Variants in SMU1 observed in about 807,000 individuals in gnomAD.
The protein encoded by SMU1 is SMU1 DNA replication regulator and spliceosomal factor, also known as WD40 repeat-containing protein SMU1.
SMU1 carries 2 observed loss-of-function variants against 62.0 expected under a neutral mutation model. That is an observed-to-expected ratio of 0.03 (90% CI 0.01 to 0.10). The LOEUF is 0.10. SMU1 is among the 10% of genes least tolerant of loss of function. SMU1 has a pLI of 1.00. For synonymous variants in SMU1, 188 were observed against 212.4 expected (o/e 0.89, Z 1.00); for missense variants, 227 against 622.1 (o/e 0.36, Z 6.76).
intron 5 of SMU1, among the ~76,000 whole-genome samples, chr9:33,061,394 G>C (rs537631022): frequency 6.6e-6 from 1 of 151,982 alleles, no homozygotes; most frequent in Non-Finnish European, 1.5e-5. Context: ...ATCCAGAAAA[G>C]GCAAACCCAA....
intron 11 of SMU1, 140 bp downstream of exon 11, chr9:33,047,966 C>T: frequency 1.5e-6 from 1 of 656,726 alleles, no homozygotes; most frequent in Non-Finnish European, 2.4e-6. Flanking sequence ...TTGAATTTGA[C>T]ATGGAGCTAA....
chr9:33,063,792 C>T (rs145660736), intron 4 of SMU1, among the ~76,000 whole-genome samples: 3 of 151,798 alleles, frequency 2.0e-5, no homozygotes, highest in African/African-American at 7.3e-5. Flanking sequence ...CCCCCTGACA[C>T]CCCCACCACC....
chr9:33,048,352 T>A, intron 10 of SMU1, 94 bp from the exon 11 acceptor site: 1 of 1,512,010 alleles, frequency 6.6e-7, no homozygotes, highest in Non-Finnish European at 9.0e-7. Flanking sequence ...CGTTGTTATT[T>A]TGCACTTTGG....
At position 33,045,951 on chromosome 9, in the gene SMU1, G is replaced by T. The variant is rs1182252761; in HGVS notation, c.*1342C>A. 6.6e-6 allele frequency: 1 copy of T among 152,068 alleles called. No individual in the cohort carries two copies. Among genetic ancestry groups the T allele is most frequent in the African/African-American group, 2.4e-5 (1 of 41,386 alleles). 9.4% of individuals were successfully genotyped at this position (152,068 alleles called of 1,614,324 possible). A position where few individuals can be genotyped will look rare whatever the true frequency, so the allele number is the denominator to read the frequency against. On this transcript the variant is annotated 3_prime_UTR_variant, in exon 12 of 12. Coordinates refer to ENST00000397149, the MANE Select transcript of SMU1 (RefSeq NM_018225.3). Reference sequence around the variant, plus strand: ...CCTAATAAATGCTAACATTTAAAAGGGGGCACAAAAGGCCTGCAGAAATAA... The same window carrying T: ...CCTAATAAATGCTAACATTTAAAAGTGGGCACAAAAGGCCTGCAGAAATAA...
At position 33,051,114 on chromosome 9, in the gene SMU1, C is replaced by CT. The variant is rs1191621694; in HGVS notation, c.1290+2008dup. 6.2e-5 allele frequency among the ~76,000 whole-genome samples: 4 copies of CT among 64,846 alleles called. 1 individual carries two copies. The highest frequency in any genetic ancestry group is 2.1e-4 in the African/African-American group (4 of 18,678). The allele number at this position is 64,846 out of a possible 152,430, so 42.5% of individuals were successfully genotyped here. On this transcript the variant is annotated intron_variant, in intron 10 of 11. Coordinates refer to ENST00000397149, the MANE Select transcript of SMU1 (RefSeq NM_018225.3). ...CCAGCCTGGGCGACAGAGCGAGACT[C>CT]TGTCTCAAAAAAAAAAAAAAATAAA...
intron 6 of SMU1, among the ~76,000 whole-genome samples, chr9:33,058,466 A>C (rs1417246834): frequency 6.6e-6 from 1 of 152,118 alleles, no homozygotes; most frequent in East Asian, 1.9e-4. Flanking sequence ...ACAGGTCCGC[A>C]CCAAAACACC....
At chr9:33,075,951 C>A (rs1015427457) in intron 1 of SMU1, among the ~76,000 whole-genome samples, 3 of 152,174 alleles carry the variant, frequency 2.0e-5, no homozygotes, top group African/African-American at 7.2e-5. Flanking sequence ...CCCCAGACAA[C>A]CCAAAATTCC....
intron 10 of SMU1, among the ~76,000 whole-genome samples, chr9:33,052,206 A>G (rs1839258185): frequency 2.0e-5 from 3 of 151,906 alleles, no homozygotes; most frequent in Admixed American, 1.3e-4. Flanking sequence ...TACCAATGTC[A>G]ATTTCCTAGT....
Position 33,042,112 on chromosome 9 carries a change from A to G in SMU1, c.*5181T>C, listed in dbSNP as rs1839132835. 1 of 152,402 alleles carries G rather than the reference A, an allele frequency of 6.6e-6. No homozygotes were observed. Among genetic ancestry groups the G allele is most frequent in the Non-Finnish European group, 1.5e-5 (1 of 67,982 alleles). 9.4% of individuals were successfully genotyped at this position (152,402 alleles called of 1,614,324 possible). A position where few individuals can be genotyped will look rare whatever the true frequency, so the allele number is the denominator to read the frequency against. On this transcript the variant is annotated 3_prime_UTR_variant, in exon 12 of 12. Transcript: ENST00000397149. ...TAAAAATCCTAAGAACACTAAAAGA[A>G]AGTCATATTAGGTCGGTTGGTGCAA... is the stretch of plus-strand genomic sequence containing the variant.
intron 4 of SMU1, among the ~76,000 whole-genome samples, chr9:33,068,366 G>T (rs980305398): frequency 2.6e-5 from 4 of 152,160 alleles, no homozygotes; most frequent in African/African-American, 7.2e-5. Flanking sequence ...CCTCTCCCAG[G>T]AAAGAGGGAG....
intron 6 of SMU1, among the ~76,000 whole-genome samples, chr9:33,059,162 T>G (rs902679517): frequency 2.6e-5 from 4 of 152,190 alleles, no homozygotes; most frequent in Non-Finnish European, 5.9e-5. Context: ...TGCAATGTAA[T>G]ATAATACAGC....
chr9:33,060,837 G>A (rs1839354177), intron 5 of SMU1, among the ~76,000 whole-genome samples: 1 of 152,154 alleles, frequency 6.6e-6, no homozygotes, highest in Non-Finnish European at 1.5e-5. Context: ...CCAAAGGAAA[G>A]GACAAAAGCT....
At chr9:33,069,883 T>C (rs990521671) in intron 3 of SMU1, among the ~76,000 whole-genome samples, 1 of 152,148 alleles carries the variant, frequency 6.6e-6, no homozygotes. Flanking sequence ...CCTAGCACTT[T>C]GGGAGGCCGA....
intron 6 of SMU1, among the ~76,000 whole-genome samples, chr9:33,059,426 T>C (rs1211521592): frequency 6.6e-6 from 1 of 150,926 alleles, no homozygotes; most frequent in Non-Finnish European, 1.5e-5. Flanking sequence ...CAGTTGTACA[T>C]ATAACCCCTT....
intron 5 of SMU1, among the ~76,000 whole-genome samples, chr9:33,061,480 G>A (rs111275211): frequency 3.9e-5 from 6 of 152,182 alleles, no homozygotes; most frequent in African/African-American, 9.6e-5. Context: ...CAAATCCAGA[G>A]AAACTGTAAT....
In SMU1 at chr9:33,044,035, T is replaced by G; in HGVS notation, c.*3258A>C. 7.1e-6 allele frequency: 1 copy of G among 141,686 alleles called. No individual in the cohort carries two copies. The highest frequency in any genetic ancestry group is 7.0e-5 in the Admixed American group (1 of 14,204). 8.8% of individuals were successfully genotyped at this position (141,686 alleles called of 1,614,324 possible). A position where few individuals can be genotyped will look rare whatever the true frequency, so the allele number is the denominator to read the frequency against. On this transcript the variant is annotated 3_prime_UTR_variant, in exon 12 of 12. Transcript: ENST00000397149. ...AAAAGCCATACTACTCCCAAATACC[T>G]CCGCGCAATGTTTTCCAGTCATTAA...
intron 6 of SMU1, among the ~76,000 whole-genome samples, chr9:33,060,041 G>A (rs111534614): frequency 7.5e-4 from 114 of 151,846 alleles, no homozygotes; most frequent in African/African-American, 2.6e-3. Context: ...TTTTGAGACA[G>A]TGTTGCTGCC....
At chr9:33,050,781 G>A (rs1839236322) in intron 10 of SMU1, among the ~76,000 whole-genome samples, 2 of 150,584 alleles carry the variant, frequency 1.3e-5, no homozygotes, top group South Asian at 4.2e-4. Flanking sequence ...AGCTGAGATT[G>A]CGCCACTGCA....
chr9:33,071,677 AAAG>A, intron 3 of SMU1, 60 bp downstream of exon 3: 5 of 1,502,878 alleles, frequency 3.3e-6, no homozygotes, highest in South Asian at 1.2e-5. Flanking sequence ...AAAAAAAAAA[AAAG>A]ATCATGTTAT....
Sources: gnomAD v4.1 joint callset for allele counts (sites outside exome capture counted in the v4.1 genomes callset) on GRCh38, gnomAD v4.1.1 for gene constraint, MANE v1.5 for transcripts, NCBI Gene and HGNC (gene_info 2026-07-23, HGNC 2026-07-21) for gene names.